Variants in MAP2K4 observed in about 807,000 individuals in gnomAD.
MAP2K4 encodes dual specificity mitogen-activated protein kinase kinase 4.
Under a neutral mutation model 48.5 loss-of-function variants are expected in MAP2K4, and 4 were observed. That is an observed-to-expected ratio of 0.08 (90% confidence interval 0.04 to 0.19). The LOEUF is 0.19. MAP2K4 is among the 10% of genes least tolerant of loss of function. The pLI is 1.00. For missense variants in MAP2K4, 258 were observed against 493.3 expected, an observed-to-expected ratio of 0.52 and a Z score of 4.52; for synonymous variants, 166 against 173.1, an observed-to-expected ratio of 0.96 and a Z score of 0.32.
intron 7 of MAP2K4, chr17:12,115,631 T>C (rs950099406): frequency 2.3e-5 from 17 of 746,498 alleles, no homozygotes; most frequent in South Asian, 8.2e-5. Context: ...GAAAGCACAA[T>C]TGGTGGTTAA....
chr17:12,093,480 G>C (rs528417840), intron 3 of MAP2K4, among the ~76,000 whole-genome samples: 2 of 152,114 alleles, frequency 1.3e-5, no homozygotes, highest in African/African-American at 4.8e-5. Flanking sequence ...GATGATAACT[G>C]TTGAGGTTTT....
chr17:12,066,681 A>G (rs555590254), intron 2 of MAP2K4, among the ~76,000 whole-genome samples: 2 of 150,816 alleles, frequency 1.3e-5, no homozygotes, highest in Non-Finnish European at 3.0e-5. Context: ...GGCATGCACT[A>G]CCACACATGG....
intron 5 of MAP2K4, among the ~76,000 whole-genome samples, chr17:12,109,918 A>G (rs562286373): frequency 6.6e-6 from 1 of 152,082 alleles, no homozygotes; most frequent in Non-Finnish European, 1.5e-5. Flanking sequence ...GCTTGAGCCC[A>G]GGAATTTGAG....
chr17:12,022,446 A>T (rs879221915), intron 1 of MAP2K4, among the ~76,000 whole-genome samples: 2 of 152,122 alleles, frequency 1.3e-5, no homozygotes, highest in Non-Finnish European at 2.9e-5. Flanking sequence ...ACAGCTTTAC[A>T]ATTTAGGTGG....
At chr17:12,099,045 G>A (rs1362584422) in intron 4 of MAP2K4, among the ~76,000 whole-genome samples, 6 of 151,698 alleles carry the variant, frequency 4.0e-5, no homozygotes, top group African/African-American at 1.2e-4. Context: ...CATCCACCCC[G>A]TTCAACTCCT....
intron 1 of MAP2K4, among the ~76,000 whole-genome samples, chr17:12,043,325 T>G (rs1252089547): frequency 6.6e-6 from 1 of 152,202 alleles, no homozygotes. Context: ...ATATTTCCAA[T>G]ATTGACACCT....
intron 3 of MAP2K4, among the ~76,000 whole-genome samples, chr17:12,090,810 A>G (rs1434334710): frequency 3.3e-5 from 5 of 152,198 alleles, no homozygotes; most frequent in Non-Finnish European, 7.3e-5. Context: ...GTTTCTGTCC[A>G]TCCTCTTATT....
chr17:12,073,559 A>G (rs567228656), intron 2 of MAP2K4, among the ~76,000 whole-genome samples: 1 of 152,360 alleles, frequency 6.6e-6, no homozygotes, highest in East Asian at 1.9e-4. Flanking sequence ...AATCCGTATC[A>G]GACAAGTAGA....
In MAP2K4 at chr17:12,142,380, T is replaced by C. The variant is rs1209380455; in HGVS notation, c.*1120T>C. 3 of 233,116 alleles carry C rather than the reference T, an allele frequency of 1.3e-5. No individual in the cohort carries two copies. In the East Asian group the frequency reaches 1.8e-4, roughly 14 times the overall value. The allele number at this position is 233,116 out of a possible 1,614,324, so 14.4% of individuals were successfully genotyped here. On this transcript the variant is annotated 3_prime_UTR_variant, in exon 11 of 11. Coordinates refer to ENST00000353533, the MANE Select transcript of MAP2K4 (RefSeq NM_003010.4). The stretch of plus-strand genomic sequence containing the variant: ...TTCCGAATCTCTTTCCCTTCCCCTG[T>C]GGTCTATTGTCGCTATGTGACTTGC...
At chr17:12,087,383 T>A (rs1216559616) in intron 3 of MAP2K4, among the ~76,000 whole-genome samples, 3 of 152,164 alleles carry the variant, frequency 2.0e-5, no homozygotes, top group Non-Finnish European at 4.4e-5. Flanking sequence ...TGACATTGTT[T>A]CTTTAAATGT....
intron 2 of MAP2K4, among the ~76,000 whole-genome samples, chr17:12,078,547 A>T (rs1971084853): frequency 6.6e-6 from 1 of 152,166 alleles, no homozygotes; most frequent in Non-Finnish European, 1.5e-5. Flanking sequence ...ATTATTTTTG[A>T]TAAAATATAG....
In MAP2K4 at chr17:12,116,742, G is replaced by A. The variant is rs561913332; in HGVS notation, c.813+3382G>A. 5.3e-5 allele frequency among the ~76,000 whole-genome samples: 8 copies of A among 152,212 alleles called. No homozygotes were observed. In the South Asian group the frequency reaches 8.3e-4, roughly 16 times the overall value. ...GGAAGGTCCTCAGGGGCAGTAACAC[G>A]CAGGGAGCTGTCATCTCCTATGATA... On this transcript the variant is annotated intron_variant, in intron 7 of 10. Coordinates refer to ENST00000353533, the MANE Select transcript of MAP2K4 (RefSeq NM_003010.4).
At chr17:12,125,425 G>A (rs545483360) in intron 8 of MAP2K4, 54 bp downstream of exon 8, 1 of 1,442,050 alleles carries the variant, frequency 6.9e-7, no homozygotes, top group East Asian at 2.3e-5. Flanking sequence ...AAGAAATTTA[G>A]AAGTGAAAGA....
At chr17:12,021,734 GAAAAAA>G (rs896882494) in intron 1 of MAP2K4, among the ~76,000 whole-genome samples, 42 of 99,984 alleles carry the variant, frequency 4.2e-4, no homozygotes, top group Non-Finnish European at 6.5e-4. Flanking sequence ...CGTGCAGGAA[GAAAAAA>G]AAAAAAAAAA....
intron 2 of MAP2K4, chr17:12,069,738 G>A (rs768225502): frequency 3.6e-6 from 4 of 1,102,570 alleles, no homozygotes; most frequent in Non-Finnish European, 4.5e-6. Context: ...CGAGTTTACT[G>A]TGGAAATTTC....
intron 1 of MAP2K4, among the ~76,000 whole-genome samples, chr17:12,044,517 A>G (rs1402150460): frequency 2.0e-5 from 3 of 152,244 alleles, no homozygotes; most frequent in Admixed American, 2.0e-4. Flanking sequence ...AAGAAGGAGA[A>G]GTCAGATCTG....
intron 5 of MAP2K4, 44 bp downstream of exon 5, chr17:12,107,953 A>G (rs780903189): frequency 5.7e-5 from 84 of 1,466,944 alleles, no homozygotes; most frequent in Admixed American, 1.0e-4. Flanking sequence ...ATATAGTTAT[A>G]TAGAGATGCT....
At chr17:12,071,623 A>G (rs977180574) in intron 2 of MAP2K4, among the ~76,000 whole-genome samples, 63 of 152,216 alleles carry the variant, frequency 4.1e-4, no homozygotes, top group African/African-American at 1.5e-3. Context: ...TTGAAATTTT[A>G]ATGAAAAATG....
chr17:12,136,643 A>T (rs1040559085), intron 9 of MAP2K4, among the ~76,000 whole-genome samples: 3 of 148,670 alleles, frequency 2.0e-5, no homozygotes. Flanking sequence ...TATTGATAAC[A>T]TTATTAGTGT....
Sources: gnomAD v4.1 joint callset for allele counts (sites outside exome capture counted in the v4.1 genomes callset) on GRCh38, gnomAD v4.1.1 for gene constraint, MANE v1.5 for transcripts, NCBI Gene and HGNC (gene_info 2026-07-23, HGNC 2026-07-21) for gene names.